The following ITGA8 variants were observed in gnomAD, a reference collection of about 807,000 sequenced individuals.
ITGA8 encodes the protein integrin alpha-8.
In ITGA8, 91 loss-of-function variants were observed where a neutral mutation model predicts 142.3. The ratio of observed to expected loss-of-function variants is 0.64; its 90% confidence interval spans 0.54 to 0.76. ITGA8 has a LOEUF of 0.76. Ranked by LOEUF, ITGA8 falls within the 30% of genes least tolerant of loss-of-function variation. ITGA8 has a pLI of 0.00. For synonymous variants in ITGA8, 505 were observed against 485.2 expected, an observed-to-expected ratio of 1.04 and a Z score of -0.54; for missense variants, 1,406 against 1,327.7, an observed-to-expected ratio of 1.06 and a Z score of -0.92.
At chr10:15,655,533 G>A (rs753645825) in intron 10 of ITGA8, 127 bp from the exon 11 acceptor site, 11 of 706,928 alleles carry the variant, frequency 1.6e-5, no homozygotes, top group African/African-American at 3.6e-5. Flanking sequence ...TAGATTCTTC[G>A]AAGTGGCCAG....
chr10:15,535,024 C>G (rs1446175581), intron 27 of ITGA8, among the ~76,000 whole-genome samples: 5 of 152,148 alleles, frequency 3.3e-5, no homozygotes, highest in Non-Finnish European at 7.4e-5. Flanking sequence ...GCGGTGCTTG[C>G]GGGCCAGTGT....
chr10:15,717,633 G>A (rs944620457), intron 2 of ITGA8, among the ~76,000 whole-genome samples: 3 of 152,020 alleles, frequency 2.0e-5, no homozygotes, highest in African/African-American at 7.2e-5. Context: ...ATATAGACAG[G>A]CATGATAAAA....
Position 15,531,099 on chromosome 10 carries a change from T to C in ITGA8, c.2933A>G (p.Lys978Arg), listed in dbSNP as rs539209602. The C allele has an allele frequency of 2.7e-5, 43 of 1,584,574 alleles. 1 individual carries two copies. In the South Asian group the frequency reaches 4.9e-4, roughly 18 times the overall value. The change falls in exon 28 of 30, where the codon AAG becomes AGG. Residue 978 changes from lysine (K) to arginine (R), a missense_variant. By Grantham distance (26) the Lys-to-Arg change is conservative (BLOSUM62 2). Transcript: ENST00000378076. ...LASLVSFEVK[K>R]MPYTDQPAKL... ...TGCTGGCTGATCTGTATAAGGCATCTTCTTAACTTCAAAGGACACCAGGGA... is the reference window on the plus strand; with the variant it reads ...TGCTGGCTGATCTGTATAAGGCATCCTCTTAACTTCAAAGGACACCAGGGA...
chr10:15,607,915 T>C, intron 16 of ITGA8, 84 bp from the exon 17 acceptor site: 1 of 1,230,122 alleles, frequency 8.1e-7, no homozygotes, highest in East Asian at 2.3e-5. Flanking sequence ...TTCAAGTTGC[T>C]TATTCAGGAA....
At chr10:15,577,049 A>G (rs1229258046) in intron 23 of ITGA8, among the ~76,000 whole-genome samples, 2 of 152,196 alleles carry the variant, frequency 1.3e-5, no homozygotes, top group East Asian at 3.9e-4. Context: ...CAGTCTTGAC[A>G]GTCTCCAAAC....
chr10:15,684,670 G>C (rs1200872425), intron 3 of ITGA8, among the ~76,000 whole-genome samples: 1 of 130,096 alleles, frequency 7.7e-6, no homozygotes, highest in Non-Finnish European at 1.6e-5. Flanking sequence ...ACAGCACCTA[G>C]GCCCCATAGA....
intron 11 of ITGA8, among the ~76,000 whole-genome samples, chr10:15,652,929 C>T (rs1834115623): frequency 6.6e-6 from 1 of 152,198 alleles, no homozygotes; most frequent in Non-Finnish European, 1.5e-5. Context: ...TGAGCTGGTA[C>T]TGCTCACCTG....
At position 15,615,297 on chromosome 10, in the gene ITGA8, T is replaced by G. The variant is rs566510952; in HGVS notation, c.1445+1217A>C. On this transcript the variant is annotated intron_variant, in intron 14 of 29. Coordinates refer to ENST00000378076, the MANE Select transcript of ITGA8 (RefSeq NM_003638.3). Reference sequence around the variant, plus strand: ...TTTGACTGTCTGATTCTCTAGAACCTTAAGTGGGATATGGCTGGTACAAGT... The same window carrying G: ...TTTGACTGTCTGATTCTCTAGAACCGTAAGTGGGATATGGCTGGTACAAGT... Among the ~76,000 whole-genome samples the G allele has an allele frequency of 2.2e-4, 33 of 152,326 alleles. No individual in the cohort carries two copies. In the East Asian group the frequency reaches 6.0e-3, roughly 28 times the overall value.
In ITGA8 at chr10:15,639,434, T is replaced by C. The variant is rs570502699; in HGVS notation, c.1399+4596A>G. Among the ~76,000 whole-genome samples, 30 of 152,234 alleles carry C rather than the reference T, an allele frequency of 2.0e-4. No homozygotes were observed. In the East Asian group the frequency reaches 5.8e-3, roughly 29 times the overall value. ...CATCTCAGAGTCAGTCATCACAGTA[T>C]CTGAAGGGGTGCTGTGCATTCAGCT... is the stretch of plus-strand genomic sequence containing the variant. On this transcript the variant is annotated intron_variant, in intron 13 of 29. Coordinates refer to ENST00000378076, the MANE Select transcript of ITGA8 (RefSeq NM_003638.3).
intron 27 of ITGA8, among the ~76,000 whole-genome samples, chr10:15,543,882 T>C (rs1833620725): frequency 6.6e-6 from 1 of 152,036 alleles, no homozygotes; most frequent in Admixed American, 6.5e-5. Context: ...TGAGCGTCCT[T>C]ATAAGAAACA....
intron 8 of ITGA8, among the ~76,000 whole-genome samples, chr10:15,663,486 A>G (rs1238740759): frequency 3.3e-5 from 5 of 151,290 alleles, no homozygotes; most frequent in Non-Finnish European, 7.4e-5. Flanking sequence ...GTTTTCTACC[A>G]TCTTTCCCTA....
intron 28 of ITGA8, among the ~76,000 whole-genome samples, chr10:15,527,070 G>T (rs1833188580): frequency 6.6e-6 from 1 of 152,094 alleles, no homozygotes; most frequent in African/African-American, 2.4e-5. Context: ...TACTTCAGTG[G>T]GGTCAGAAGA....
intron 24 of ITGA8, among the ~76,000 whole-genome samples, chr10:15,574,885 T>C (rs1352143085): frequency 6.6e-6 from 1 of 152,016 alleles, no homozygotes; most frequent in Non-Finnish European, 1.5e-5. Context: ...CATTTTTATG[T>C]CTAGGTTGTC....
chr10:15,640,242 C>T (rs1451531142), intron 13 of ITGA8, among the ~76,000 whole-genome samples: 1 of 152,206 alleles, frequency 6.6e-6, no homozygotes, highest in Non-Finnish European at 1.5e-5. Context: ...CGGGACCGAC[C>T]TGGGTGTCAG....
At chr10:15,714,007 T>A (rs1385555264) in intron 2 of ITGA8, among the ~76,000 whole-genome samples, 5 of 152,216 alleles carry the variant, frequency 3.3e-5, no homozygotes, top group Non-Finnish European at 5.9e-5. Context: ...ACTTCTTATG[T>A]GGGCTCCTAA....
chr10:15,662,564 C>A (rs939058166), intron 8 of ITGA8, among the ~76,000 whole-genome samples: 1 of 151,866 alleles, frequency 6.6e-6, no homozygotes, highest in South Asian at 2.1e-4. Flanking sequence ...GTCTCAAACT[C>A]CTGGGTTCAA....
chr10:15,664,105 GA>G (rs1463899755), intron 8 of ITGA8, among the ~76,000 whole-genome samples: 1 of 152,140 alleles, frequency 6.6e-6, no homozygotes, highest in Non-Finnish European at 1.5e-5. Context: ...ATTCTCAGAA[GA>G]ATCTTAGGAG....
At chr10:15,679,899 T>C (rs1169117549) in intron 4 of ITGA8, among the ~76,000 whole-genome samples, 1 of 152,220 alleles carries the variant, frequency 6.6e-6, no homozygotes, top group Non-Finnish European at 1.5e-5. Flanking sequence ...CTACAACTTC[T>C]AACATGCCTA....
Position 15,592,209 on chromosome 10 carries a change from C to T in ITGA8, c.2291+16G>A, listed in dbSNP as rs1418267070. The T allele has an allele frequency of 6.3e-7, 1 of 1,584,300 alleles. No homozygotes were observed. The highest frequency in any genetic ancestry group is 1.1e-5 in the South Asian group (1 of 90,224). ...TTTTGACTGCTGTCAACGATATAGG[C>T]ATGTAAAGGTCTAACCTTCTGATTT... On this transcript the variant is annotated intron_variant, in intron 22 of 29. Coordinates refer to ENST00000378076, the MANE Select transcript of ITGA8 (RefSeq NM_003638.3).
Sources: gnomAD v4.1 joint callset for allele counts (sites outside exome capture counted in the v4.1 genomes callset) on GRCh38, gnomAD v4.1.1 for gene constraint, MANE v1.5 for transcripts, NCBI Gene and HGNC (gene_info 2026-07-23, HGNC 2026-07-21) for gene names.